DAB1: variants seen among roughly 807,000 people sequenced by gnomAD.
DAB1 encodes disabled homolog 1.
Under a neutral mutation model 64.6 loss-of-function variants are expected in DAB1, and 15 were observed. The ratio of observed to expected loss-of-function variants is 0.23; its 90% CI spans 0.16 to 0.36. The LOEUF (loss-of-function observed/expected upper bound fraction) is 0.36, where lower values mean the gene tolerates loss of function less well. DAB1 is among the 10% of genes least tolerant of loss of function. DAB1 has a pLI of 1.00. For synonymous variants in DAB1, 235 were observed against 251.9 expected (o/e 0.93, Z 0.64); for missense variants, 596 against 706.7 (o/e 0.84, Z 1.78).
intron 3 of DAB1, among the ~76,000 whole-genome samples, chr1:58,440,070 CG>C (rs536370448): frequency 5.7e-4 from 87 of 152,272 alleles, no homozygotes; most frequent in Non-Finnish European, 1.1e-3. Flanking sequence ...GTGGAACCCC[CG>C]CAAGAGACCT....
At chr1:57,898,141 A>G (rs1644419315) in intron 5 of DAB1, among the ~76,000 whole-genome samples, 2 of 152,118 alleles carry the variant, frequency 1.3e-5, no homozygotes, top group African/African-American at 2.4e-5. Context: ...GGCTGAGAGT[A>G]CCTTTGGACT....
intron 5 of DAB1, among the ~76,000 whole-genome samples, chr1:58,116,537 A>G (rs973643150): frequency 6.6e-6 from 1 of 152,158 alleles, no homozygotes; most frequent in African/African-American, 2.4e-5. Flanking sequence ...ATCTTCTTCA[A>G]TGTTTGCCAT....
intron 5 of DAB1, among the ~76,000 whole-genome samples, chr1:58,120,480 C>T (rs1324264012): frequency 6.6e-6 from 1 of 152,262 alleles, no homozygotes; most frequent in African/African-American, 2.4e-5. Flanking sequence ...ACCTCAGTTT[C>T]CACACCTGTA....
chr1:58,115,753 C>G (rs1266412457), intron 5 of DAB1, among the ~76,000 whole-genome samples: 6 of 104,744 alleles, frequency 5.7e-5, no homozygotes, highest in Non-Finnish European at 1.1e-4. Context: ...AAACCAAACA[C>G]CGCATATTCT....
At chr1:58,217,305 G>A (rs886885398) in intron 4 of DAB1, among the ~76,000 whole-genome samples, 2 of 152,200 alleles carry the variant, frequency 1.3e-5, no homozygotes, top group South Asian at 2.1e-4. Context: ...AAGGGCCCAA[G>A]CAGGACCTGG....
chr1:57,611,619 A>G (rs1214038491), intron 7 of DAB1, among the ~76,000 whole-genome samples: 2 of 152,092 alleles, frequency 1.3e-5, no homozygotes, highest in African/African-American at 2.4e-5. Flanking sequence ...CTCCACAGCT[A>G]GTACACTGGC....
chr1:57,739,372 C>T (rs76182052), intron 6 of DAB1, among the ~76,000 whole-genome samples: 6,253 of 146,172 alleles, frequency 0.043, 340 homozygotes, highest in African/African-American at 0.13. Flanking sequence ...GAATAACACT[C>T]AGCTTCCTGA....
intron 5 of DAB1, among the ~76,000 whole-genome samples, chr1:58,083,529 C>T (rs187924240): frequency 4.6e-5 from 7 of 152,340 alleles, no homozygotes; most frequent in Admixed American, 4.6e-4. Flanking sequence ...AGGACAGAGT[C>T]TGTTTAACTA....
rs1043202088 is a variant in DAB1, at chr1:58,177,313, T to C, written n.310-26725A>G. ...TTTGTGTGTCCAGTGCCAGGCACAA[T>C]ACCTGACATATAGAAGAAACTCTCA... On this transcript the variant is annotated intron_variant and non_coding_transcript_variant, in intron 4 of 20. Coordinates refer to the DAB1 transcript ENST00000485760. Among the ~76,000 whole-genome samples the C allele has an allele frequency of 2.6e-5, 4 of 152,312 alleles. 1 individual carries two copies. Among genetic ancestry groups the C allele is most frequent in the Non-Finnish European group, 4.4e-5 (3 of 68,026 alleles).
chr1:57,961,864 C>A (rs1392352410), intron 5 of DAB1, among the ~76,000 whole-genome samples: 2 of 151,422 alleles, frequency 1.3e-5, no homozygotes, highest in African/African-American at 4.9e-5. Context: ...CCCAGCTACT[C>A]GGGAGGCTGA....
chr1:57,554,623 C>CCAA (rs1644965467), intron 7 of DAB1, among the ~76,000 whole-genome samples: 1 of 152,198 alleles, frequency 6.6e-6, no homozygotes, highest in African/African-American at 2.4e-5. Context: ...TTCTTACAAA[C>CCAA]TCTTTTGGAA....
chr1:58,450,647 G>A (rs1041426889), intron 3 of DAB1, among the ~76,000 whole-genome samples: 12 of 152,130 alleles, frequency 7.9e-5, no homozygotes, highest in Admixed American at 1.3e-4. Flanking sequence ...CCAGCTACTC[G>A]GGAGGTTGAG....
chr1:57,606,521 A>T lies in DAB1; in HGVS notation n.625+43071T>A, dbSNP rs895509885. Among the ~76,000 whole-genome samples, 9 of 60,506 alleles carry T rather than the reference A, an allele frequency of 1.5e-4. 1 individual carries two copies. The Admixed American group carries it at 1.8e-3, about 12-fold the overall frequency. 39.7% of individuals were successfully genotyped at this position (60,506 alleles called of 152,430 possible). A position where few individuals can be genotyped will look rare whatever the true frequency, so the allele number is the denominator to read the frequency against. On this transcript the variant is annotated intron_variant and non_coding_transcript_variant, in intron 7 of 20. Coordinates refer to the DAB1 transcript ENST00000485760. The stretch of plus-strand genomic sequence containing the variant: ...ATATAATATATAATATAATATATAT[A>T]ATATATAATATATATGAAATATATA...
At chr1:57,763,174 G>T (rs1276021277) in intron 6 of DAB1, among the ~76,000 whole-genome samples, 2 of 152,160 alleles carry the variant, frequency 1.3e-5, no homozygotes, top group African/African-American at 2.4e-5. Flanking sequence ...AGATTGAATG[G>T]TTGAATTCTC....
At chr1:58,306,394 T>C (rs921646707) in intron 4 of DAB1, among the ~76,000 whole-genome samples, 1 of 152,200 alleles carries the variant, frequency 6.6e-6, no homozygotes, top group African/African-American at 2.4e-5. Context: ...TCACAGAGCA[T>C]CTTTCCTTGT....
At chr1:57,426,854 G>A (rs1056948568), upstream of DAB1, among the ~76,000 whole-genome samples, 65 of 138,972 alleles carry the variant, frequency 4.7e-4, no homozygotes, top group African/African-American at 1.7e-3. Flanking sequence ...AGCCTTAAAT[G>A]AGATAATATA....
intron 5 of DAB1, among the ~76,000 whole-genome samples, chr1:58,065,585 G>A (rs1213505623): frequency 4.6e-5 from 7 of 152,184 alleles, no homozygotes; most frequent in African/African-American, 1.7e-4. Flanking sequence ...TCGATACAAA[G>A]GGTGAGAATG....
intron 7 of DAB1, among the ~76,000 whole-genome samples, chr1:57,587,623 AT>A (rs1645396072): frequency 6.6e-6 from 1 of 152,190 alleles, no homozygotes; most frequent in Non-Finnish European, 1.5e-5. Context: ...TGAAGATATG[AT>A]TTTAAAGGGA....
At chr1:57,231,909 A>G (rs1003984355) in intron 2 of DAB1, among the ~76,000 whole-genome samples, 1 of 152,184 alleles carries the variant, frequency 6.6e-6, no homozygotes, top group African/African-American at 2.4e-5. Flanking sequence ...CTTTTCTGAT[A>G]TCAGATTTCT....
Sources: gnomAD v4.1 joint callset for allele counts (sites outside exome capture counted in the v4.1 genomes callset) on GRCh38, gnomAD v4.1.1 for gene constraint, MANE v1.5 for transcripts, NCBI Gene and HGNC (gene_info 2026-07-23, HGNC 2026-07-21) for gene names.